Variants in B3GALT1 observed in about 807,000 individuals in gnomAD.
B3GALT1 encodes the protein UDP-Gal:betaGlcNAc beta 1,3-galactosyltransferase, polypeptide 1.
Under a neutral mutation model 23.2 loss-of-function variants are expected in B3GALT1, and 10 were observed. The observed-to-expected ratio is 0.43, with a 90% confidence interval of 0.27 to 0.73. B3GALT1 has a LOEUF of 0.73. Among genes scored for constraint, B3GALT1 ranks in the 30% least tolerant of loss-of-function variants. B3GALT1 has a pLI of 0.21. For missense variants in B3GALT1, 299 were observed against 405.4 expected (o/e 0.74, Z 2.25); for synonymous variants, 156 against 141.5 (o/e 1.10, Z -0.73).
chr2:167,571,868 A>T (rs1014634820), intron 2 of B3GALT1, among the ~76,000 whole-genome samples: 5 of 151,896 alleles, frequency 3.3e-5, no homozygotes, highest in Non-Finnish European at 7.4e-5. Context: ...TTGAAATTTT[A>T]TGAAATTATA....
chr2:167,703,479 A>C (rs533530664), intron 3 of B3GALT1, among the ~76,000 whole-genome samples: 173 of 134,102 alleles, frequency 1.3e-3, no homozygotes, highest in African/African-American at 4.6e-3. Context: ...TCTCTTTAAC[A>C]GTTGGTACTG....
At chr2:167,851,133 C>T (rs1689876081) in intron 4 of B3GALT1, among the ~76,000 whole-genome samples, 2 of 151,690 alleles carry the variant, frequency 1.3e-5, no homozygotes, top group Non-Finnish European at 2.9e-5. Flanking sequence ...TGTTTTTGAA[C>T]ATGCATCATT....
At chr2:167,459,463 C>T (rs1699223714) in intron 1 of B3GALT1, among the ~76,000 whole-genome samples, 1 of 152,024 alleles carries the variant, frequency 6.6e-6, no homozygotes, top group Admixed American at 6.6e-5. Context: ...TGTTTCCTGC[C>T]CTAAAACATA....
intron 1 of B3GALT1, among the ~76,000 whole-genome samples, chr2:167,307,466 C>T (rs1696568037): frequency 6.6e-6 from 1 of 151,996 alleles, no homozygotes; most frequent in Middle Eastern, 3.4e-3. Context: ...ACTTATTTTT[C>T]CTGTCAAGTG....
At chr2:167,495,079 T>A (rs1354645299) in intron 2 of B3GALT1, among the ~76,000 whole-genome samples, 2 of 152,172 alleles carry the variant, frequency 1.3e-5, no homozygotes, top group African/African-American at 4.8e-5. Context: ...TTAATGTTTG[T>A]AACACAGTAA....
In B3GALT1 at chr2:167,442,353, C is replaced by A. The variant is rs555688994; in HGVS notation, c.-510-47824C>A. Among the ~76,000 whole-genome samples, 82 of 152,252 alleles carry A rather than the reference C, an allele frequency of 5.4e-4. 1 individual carries two copies. The highest frequency in any genetic ancestry group is 1.9e-3 in the African/African-American group (77 of 41,538). ...GCAATAAACATACGTGTGCATGTGTCTTTATAGCATCATGATTTATAGTCC... is the reference window on the plus strand; with the variant it reads ...GCAATAAACATACGTGTGCATGTGTATTTATAGCATCATGATTTATAGTCC... On this transcript the variant is annotated intron_variant, in intron 1 of 4. Transcript: ENST00000392690.
At chr2:167,367,293 A>AT (rs533159605) in intron 1 of B3GALT1, among the ~76,000 whole-genome samples, 1 of 152,136 alleles carries the variant, frequency 6.6e-6, no homozygotes, top group African/African-American at 2.4e-5. Flanking sequence ...TAACTTAACT[A>AT]TTTTTTCCCC....
At chr2:167,686,701 A>G (rs1442415211) in intron 3 of B3GALT1, among the ~76,000 whole-genome samples, 2 of 152,228 alleles carry the variant, frequency 1.3e-5, no homozygotes, top group African/African-American at 4.8e-5. Flanking sequence ...GCTCATGCCA[A>G]CATGTCCATG....
chr2:167,625,903 A>T (rs1685332347), intron 2 of B3GALT1, among the ~76,000 whole-genome samples: 1 of 143,236 alleles, frequency 7.0e-6, no homozygotes, highest in East Asian at 2.1e-4. Flanking sequence ...CATATAAATT[A>T]GAAACCATCC....
chr2:167,536,992 C>T (rs1361848247), intron 2 of B3GALT1, among the ~76,000 whole-genome samples: 1 of 152,084 alleles, frequency 6.6e-6, no homozygotes, highest in Non-Finnish European at 1.5e-5. Context: ...AGTCGCAGAT[C>T]CCTGGGCCAA....
At chr2:167,810,369 GCT>G (rs1688860996) in intron 3 of B3GALT1, among the ~76,000 whole-genome samples, 1 of 150,768 alleles carries the variant, frequency 6.6e-6, no homozygotes. Context: ...CTTCTCTGTG[GCT>G]CTCACTGGAA....
intron 4 of B3GALT1, among the ~76,000 whole-genome samples, chr2:167,842,116 G>A (rs1454212250): frequency 6.6e-6 from 1 of 152,140 alleles, no homozygotes; most frequent in Non-Finnish European, 1.5e-5. Flanking sequence ...ACCTATTATG[G>A]TAGGGACCTA....
intron 2 of B3GALT1, among the ~76,000 whole-genome samples, chr2:167,576,431 G>A (rs938908177): frequency 2.0e-5 from 3 of 151,478 alleles, no homozygotes; most frequent in African/African-American, 4.8e-5. Context: ...ATTGTACACT[G>A]AAAAGGCACA....
intron 3 of B3GALT1, among the ~76,000 whole-genome samples, chr2:167,721,332 G>A (rs1203708349): frequency 5.9e-5 from 9 of 152,218 alleles, no homozygotes; most frequent in Non-Finnish European, 1.0e-4. Context: ...CCATTTGTGA[G>A]CAATTGAAGC....
At chr2:167,766,387 A>T (rs1186994784) in intron 3 of B3GALT1, among the ~76,000 whole-genome samples, 1 of 152,204 alleles carries the variant, frequency 6.6e-6, no homozygotes, top group African/African-American at 2.4e-5. Context: ...AGGGGACTCC[A>T]AAAAGTTCAT....
chr2:167,821,644 A>G (rs1221808525), intron 4 of B3GALT1, among the ~76,000 whole-genome samples: 2 of 152,114 alleles, frequency 1.3e-5, no homozygotes, highest in African/African-American at 4.8e-5. Context: ...CATGTTGGCC[A>G]GGCTGGTCTC....
At chr2:167,737,701 C>T (rs1246882972) in intron 3 of B3GALT1, among the ~76,000 whole-genome samples, 1 of 152,230 alleles carries the variant, frequency 6.6e-6, no homozygotes, top group Non-Finnish European at 1.5e-5. Context: ...AAGAGACCAT[C>T]TCCAAGGTTC....
intron 2 of B3GALT1, among the ~76,000 whole-genome samples, chr2:167,631,883 T>C (rs1365621064): frequency 6.6e-6 from 1 of 151,664 alleles, no homozygotes; most frequent in Non-Finnish European, 1.5e-5. Flanking sequence ...CGTACCATGC[T>C]GGTTTGCTGC....
In B3GALT1 at chr2:167,381,550, C is replaced by T. The variant is rs552421148; in HGVS notation, c.-511+88216C>T. On this transcript the variant is annotated intron_variant, in intron 1 of 4. Coordinates refer to ENST00000392690, the MANE Select transcript of B3GALT1 (RefSeq NM_020981.4). ...AGGTCCTGGAGACAGCAGCATTCTTCGCATTCTTTTTGGTGATTCTAATGT... is the reference window on the plus strand; with the variant it reads ...AGGTCCTGGAGACAGCAGCATTCTTTGCATTCTTTTTGGTGATTCTAATGT... 1.4e-4 allele frequency among the ~76,000 whole-genome samples: 22 copies of T among 152,274 alleles called. No individual in the cohort carries two copies. In the East Asian group the frequency reaches 2.9e-3, roughly 20 times the overall value.
Sources: allele counts gnomAD v4.1 joint callset (sites outside exome capture counted in the v4.1 genomes callset), GRCh38; gene constraint gnomAD v4.1.1; transcripts MANE v1.5; gene names NCBI Gene and HGNC (gene_info 2026-07-23, HGNC 2026-07-21).